PAPPA: variants seen among roughly 807,000 people sequenced by gnomAD.
PAPPA encodes the protein pappalysin 1.
In PAPPA, 60 loss-of-function variants were observed where a neutral mutation model predicts 164.0. That is an observed-to-expected ratio of 0.37 (90% CI 0.30 to 0.45). The LOEUF is 0.45. PAPPA is among the 20% of genes least tolerant of loss of function. The pLI is 1.00. For missense variants in PAPPA, 1,782 were observed against 2,087.3 expected (o/e 0.85, Z 2.85); for synonymous variants, 875 against 814.1 (o/e 1.07, Z -1.27).
chr9:116,226,750 T>A (rs1261396657), intron 5 of PAPPA, among the ~76,000 whole-genome samples: 1 of 152,162 alleles, frequency 6.6e-6, no homozygotes. Flanking sequence ...AAGACCCAAC[T>A]TGGTAGGGGA....
At chr9:116,286,296 G>A (rs1274293535) in intron 9 of PAPPA, 1 of 152,126 alleles carries the variant, frequency 6.6e-6, no homozygotes, top group East Asian at 1.9e-4. Context: ...CACCCCATAA[G>A]ACTCTCGGAT....
At chr9:116,249,527 C>T (rs1844835271) in intron 7 of PAPPA, among the ~76,000 whole-genome samples, 2 of 152,154 alleles carry the variant, frequency 1.3e-5, no homozygotes, top group Admixed American at 1.3e-4. Flanking sequence ...TTTAGGACAT[C>T]TTTTTGGCTG....
In PAPPA at chr9:116,154,459, C is replaced by T; in HGVS notation, c.287C>T (p.Ala96Val). The change falls in exon 1 of 22, where the codon GCG (alanine) becomes GTG (valine). Residue 96 changes from alanine (A) to valine (V), a missense_variant. This residue lies in a region of PAPPA where 458 missense variants were observed against 430.3 expected (regional missense o/e 1.06). Transcript: ENST00000328252. This position sits in a 1 kb window ranked among gnomAD's most constrained non-coding sequence, Gnocchi z 5.2. ...ATEEPSPPSR[A>V]LYFSGRGEQL... ...GAGGAGCCGAGCCCGCCGAGCCGGG[C>T]GCTCTATTTCAGCGGGCGAGGCGAG... 4 of 1,285,404 alleles carry T rather than the reference C, an allele frequency of 3.1e-6. No individual in the cohort carries two copies. The highest frequency in any genetic ancestry group is 3.9e-6 in the Non-Finnish European group (4 of 1,017,124). The allele number at this position is 1,285,404 out of a possible 1,614,324, so 79.6% of individuals were successfully genotyped here.
intron 2 of PAPPA, among the ~76,000 whole-genome samples, chr9:116,189,613 AG>A (rs1844018102): frequency 6.6e-6 from 1 of 152,216 alleles, no homozygotes; most frequent in Non-Finnish European, 1.5e-5. Flanking sequence ...GGTGAACTCA[AG>A]GGTAACCTGT....
rs745724835 is a variant in PAPPA at position 116,213,051 on chromosome 9, T to C, written c.1918+1119T>C. 4.7e-4 allele frequency among the ~76,000 whole-genome samples: 71 copies of C among 152,182 alleles called. 1 individual carries two copies. Among genetic ancestry groups the C allele is most frequent in the Non-Finnish European group, 7.4e-5 (5 of 68,026 alleles). Reference sequence around the variant, plus strand: ...CTTCTAAAGAGAGCTAGCTGATGGTTGAGTGGGGAAATTGAGCAACCTGGG... The same window carrying C: ...CTTCTAAAGAGAGCTAGCTGATGGTCGAGTGGGGAAATTGAGCAACCTGGG... On this transcript the variant is annotated intron_variant, in intron 4 of 21. Coordinates refer to ENST00000328252, the MANE Select transcript of PAPPA (RefSeq NM_002581.5).
chr9:116,289,366 ATG>A (rs1491582519), intron 9 of PAPPA, among the ~76,000 whole-genome samples: 1 of 133,502 alleles, frequency 7.5e-6, no homozygotes, highest in African/African-American at 2.8e-5. Flanking sequence ...TGGCATATAT[ATG>A]GCATATATAT....
intron 1 of PAPPA, among the ~76,000 whole-genome samples, chr9:116,163,700 C>A (rs1326069008): frequency 6.6e-6 from 1 of 152,076 alleles, no homozygotes; most frequent in African/African-American, 2.4e-5. Flanking sequence ...TGCCTGTCAC[C>A]CTCAGGGGCC....
intron 9 of PAPPA, among the ~76,000 whole-genome samples, chr9:116,300,553 A>G (rs1359505832): frequency 2.0e-5 from 3 of 152,144 alleles, no homozygotes; most frequent in African/African-American, 7.2e-5. Flanking sequence ...GATTACAGGC[A>G]TGAGCCACTG....
At chr9:116,388,514 A>AGAG (rs1458117632) in intron 21 of PAPPA, among the ~76,000 whole-genome samples, 4 of 152,176 alleles carry the variant, frequency 2.6e-5, no homozygotes. Context: ...GGCTGCTAAG[A>AGAG]GAGTGATTCT....
intron 10 of PAPPA, among the ~76,000 whole-genome samples, chr9:116,321,786 A>G (rs564711857): frequency 6.6e-6 from 1 of 152,352 alleles, no homozygotes; most frequent in East Asian, 1.9e-4. Context: ...AGTAACCTGC[A>G]TTAGACACTG....
chr9:116,393,710 C>T (rs186487083), intron 21 of PAPPA, among the ~76,000 whole-genome samples: 19 of 152,076 alleles, frequency 1.2e-4, no homozygotes, highest in Non-Finnish European at 1.6e-4. Context: ...GTGATACTTG[C>T]GAAAAGACCT....
At chr9:116,376,344 T>C (rs939375352) in intron 19 of PAPPA, among the ~76,000 whole-genome samples, 1 of 152,232 alleles carries the variant, frequency 6.6e-6, no homozygotes, top group Non-Finnish European at 1.5e-5. Flanking sequence ...TTATGGTAAC[T>C]GTATTCCTAA....
At chr9:116,374,146 ATGGTGGTAGTGTTGG>A (rs1416148646) in intron 19 of PAPPA, among the ~76,000 whole-genome samples, 72 of 94,816 alleles carry the variant, frequency 7.6e-4, no homozygotes, top group Non-Finnish European at 1.3e-3. Flanking sequence ...GGTGCAGATG[ATGGTGGTAGTGTTGG>A]TGGTGGTGTT....
intron 6 of PAPPA, among the ~76,000 whole-genome samples, chr9:116,234,630 GA>G (rs1844637597): frequency 6.6e-6 from 1 of 152,154 alleles, no homozygotes; most frequent in Non-Finnish European, 1.5e-5. Context: ...ATCCAATAGG[GA>G]GAACAGCAAA....
At position 116,344,612 on chromosome 9, in the gene PAPPA, C is replaced by T; in HGVS notation, c.3681C>T (p.Cys1227=). Residue 1227 remains cysteine, a synonymous_variant, in exon 14 of 22, where the codon TGC becomes TGT. Coordinates refer to ENST00000328252, the MANE Select transcript of PAPPA (RefSeq NM_002581.5). ...ELAVENASLN[C]SSSDRYHGAQ... ...CTGTGGAGAATGCTTCTCTCAATTG[C>T]TCCAGCAGCGACCGCTACCACGGTG... is the stretch of plus-strand genomic sequence containing the variant. 2 of 1,614,156 alleles carry T rather than the reference C, an allele frequency of 1.2e-6. No homozygotes were observed. The highest frequency in any genetic ancestry group is 1.7e-6 in the Non-Finnish European group (2 of 1,179,980).
At chr9:116,241,227 C>G (rs932753669) in intron 7 of PAPPA, among the ~76,000 whole-genome samples, 2 of 152,176 alleles carry the variant, frequency 1.3e-5, no homozygotes, top group Non-Finnish European at 2.9e-5. Context: ...CCAACATGAG[C>G]TTAACTACTT....
intron 21 of PAPPA, among the ~76,000 whole-genome samples, chr9:116,394,389 A>T (rs1260818922): frequency 1.3e-5 from 2 of 152,204 alleles, no homozygotes; most frequent in Non-Finnish European, 2.9e-5. Context: ...CCTTTCATAG[A>T]TGTAGAACCT....
intron 1 of PAPPA, among the ~76,000 whole-genome samples, chr9:116,177,391 A>G (rs1260346256): frequency 6.6e-6 from 1 of 152,178 alleles, no homozygotes; most frequent in African/African-American, 2.4e-5. Flanking sequence ...CATACATATA[A>G]GCATTTTGTC....
At chr9:116,344,987 G>A (rs1846188830) in intron 14 of PAPPA, among the ~76,000 whole-genome samples, 2 of 152,208 alleles carry the variant, frequency 1.3e-5, no homozygotes, top group South Asian at 4.1e-4. Flanking sequence ...CCAAGACCAT[G>A]GGGCTGAGTA....
Sources: gnomAD v4.1 joint callset for allele counts (sites outside exome capture counted in the v4.1 genomes callset) on GRCh38, gnomAD v4.1.1 for gene constraint, gnomAD v4.1.1 regional missense constraint, Gnocchi (gnomAD v3.1) non-coding constraint, MANE v1.5 for transcripts, NCBI Gene and HGNC (gene_info 2026-07-23, HGNC 2026-07-21) for gene names.